PAIP1: variants seen among roughly 807,000 people sequenced by gnomAD.
The protein encoded by PAIP1 is poly(A) binding protein interacting protein 1, also known as polyadenylate-binding protein-interacting protein 1.
A neutral mutation model predicts 61.3 loss-of-function variants in PAIP1; 16 were observed. The ratio of observed to expected loss-of-function variants is 0.26; its 90% confidence interval spans 0.18 to 0.40. The LOEUF (loss-of-function observed/expected upper bound fraction) is 0.40, where lower values mean the gene tolerates loss of function less well. PAIP1 is among the 10% of genes least tolerant of loss of function. The probability of loss-of-function intolerance (pLI) is 1.00; values close to 1 mark genes in which losing one functional copy is unlikely to be tolerated. For synonymous variants in PAIP1, 187 were observed against 226.2 expected (o/e 0.83, Z 1.56); for missense variants, 416 against 600.9 (o/e 0.69, Z 3.22).
At chr5:43,534,801 C>T in intron 8 of PAIP1, 52 bp downstream of exon 8, 1 of 981,034 alleles carries the variant, frequency 1.0e-6, no homozygotes, top group South Asian at 1.3e-5. Flanking sequence ...TTCTAATTTC[C>T]AAAACGGAAT....
intron 6 of PAIP1, among the ~76,000 whole-genome samples, chr5:43,536,234 G>C (rs567480130): frequency 6.6e-6 from 1 of 152,134 alleles, no homozygotes; most frequent in African/African-American, 2.4e-5. Context: ...ATTACTTGTC[G>C]TAAAATACAT....
At chr5:43,531,393 C>T (rs537964735) in intron 9 of PAIP1, among the ~76,000 whole-genome samples, 9 of 119,074 alleles carry the variant, frequency 7.6e-5, no homozygotes, top group Admixed American at 2.6e-4. Flanking sequence ...TAATATGAAA[C>T]TTCAAATGGT....
intron 2 of PAIP1, among the ~76,000 whole-genome samples, chr5:43,554,188 G>A (rs1183374881): frequency 2.0e-5 from 3 of 152,130 alleles, no homozygotes; most frequent in Non-Finnish European, 4.4e-5. Context: ...CGTAAAAATA[G>A]TTGATACACG....
chr5:43,538,789 G>A (rs997392514), intron 5 of PAIP1, 135 bp downstream of exon 5: 26 of 586,758 alleles, frequency 4.4e-5, no homozygotes, highest in Non-Finnish European at 6.7e-5. Flanking sequence ...AGCAGGTGCC[G>A]AAACATGTTT....
intron 2 of PAIP1, among the ~76,000 whole-genome samples, chr5:43,553,051 G>GA (rs1747925694): frequency 8.7e-6 from 1 of 114,436 alleles, no homozygotes; most frequent in African/African-American, 4.4e-5. Context: ...GATTCTCTTA[G>GA]AAAAAAAGCT....
At position 43,537,849 on chromosome 5, in the gene PAIP1, C is replaced by T. The variant is rs562486953; in HGVS notation, c.847-905G>A. Among the ~76,000 whole-genome samples the T allele has an allele frequency of 7.2e-5, 11 of 152,012 alleles. 1 individual carries two copies. The South Asian group carries it at 2.3e-3, about 32-fold the overall frequency. ...TCTCTGCTAAAAATATAAACATTAG[C>T]CAGGCATAGTGGTACGTGCCTGTAA... On this transcript the variant is annotated intron_variant, in intron 5 of 10. Coordinates refer to ENST00000306846, the MANE Select transcript of PAIP1 (RefSeq NM_006451.5).
rs1040021584 is a variant in PAIP1 at position 43,556,112 on chromosome 5, C to A, written c.266-113G>T. ...TCTGTTTTTAAGAGTTAAACAGGAA[C>A]CATCATGAAATTTATGGTTATCGCC... On this transcript the variant is annotated intron_variant, in intron 1 of 10. Coordinates refer to ENST00000306846, the MANE Select transcript of PAIP1 (RefSeq NM_006451.5). 10 of 1,456,790 alleles carry A rather than the reference C, an allele frequency of 6.9e-6. No individual in the cohort carries two copies. In the African/African-American group the frequency reaches 1.3e-4, roughly 19 times the overall value. 90.2% of individuals were successfully genotyped at this position (1,456,790 alleles called of 1,614,324 possible). A position where few individuals can be genotyped will look rare whatever the true frequency, so the allele number is the denominator to read the frequency against.
chr5:43,557,190 T>G, upstream of PAIP1: 2 of 200,826 alleles, frequency 1.0e-5, no homozygotes. Flanking sequence ...ATCCTCCAGT[T>G]CGCGGCTGGC....
At chr5:43,545,832 C>G (rs1439139876) in intron 3 of PAIP1, among the ~76,000 whole-genome samples, 1 of 151,612 alleles carries the variant, frequency 6.6e-6, no homozygotes, top group Non-Finnish European at 1.5e-5. Flanking sequence ...TGCAGTGGCG[C>G]AATCTCGGCT....
At chr5:43,540,440 G>T (rs989237887) in intron 4 of PAIP1, among the ~76,000 whole-genome samples, 6 of 152,074 alleles carry the variant, frequency 3.9e-5, no homozygotes, top group Admixed American at 2.0e-4. Flanking sequence ...ATATGATTAT[G>T]TACATGCAAA....
rs1747480149 is a variant in PAIP1, at chr5:43,543,085, C to G, written c.653G>C (p.Gly218Ala). The G allele has an allele frequency of 3.1e-6, 5 of 1,608,226 alleles. No homozygotes were observed. The highest frequency in any genetic ancestry group is 4.3e-6 in the Non-Finnish European group (5 of 1,175,128). The change falls in exon 4 of 11, where the codon GGA becomes GCA. Residue 218 changes from glycine (G) to alanine (A), a missense_variant. Gly to Ala is a moderately conservative substitution (Grantham distance 60). Transcript: ENST00000306846. The part of the protein sequence containing the change: ...ATSIPNFSYM[G>A]ARLCNYLSHH... Reference sequence around the variant, plus strand: ...GGACAGGTAATTACACAGGCGAGCTCCCATATAAGAGAAATTTGGGATAGA... The same window carrying G: ...GGACAGGTAATTACACAGGCGAGCTGCCATATAAGAGAAATTTGGGATAGA...
chr5:43,550,662 G>C (rs1346642154), intron 2 of PAIP1, among the ~76,000 whole-genome samples: 1 of 150,818 alleles, frequency 6.6e-6, no homozygotes, highest in African/African-American at 2.4e-5. Context: ...AGTCACTTTG[G>C]TTATTCATTC....
Position 43,528,453 on chromosome 5 carries a change from A to C in PAIP1, c.1347-984T>G, listed in dbSNP as rs537801881. Reference sequence around the variant, plus strand: ...AGGGCCATGTGTTGAAATAACCATGAGCTCATTAGGGCAAGAGAATATGAT... The same window carrying C: ...AGGGCCATGTGTTGAAATAACCATGCGCTCATTAGGGCAAGAGAATATGAT... On this transcript the variant is annotated intron_variant, in intron 10 of 10. Coordinates refer to ENST00000306846, the MANE Select transcript of PAIP1 (RefSeq NM_006451.5). 3.9e-5 allele frequency among the ~76,000 whole-genome samples: 6 copies of C among 152,294 alleles called. No individual in the cohort carries two copies. In the South Asian group the frequency reaches 1.0e-3, roughly 26 times the overall value.
At chr5:43,531,570 T>C (rs1377133987) in intron 9 of PAIP1, among the ~76,000 whole-genome samples, 1 of 145,596 alleles carries the variant, frequency 6.9e-6, no homozygotes, top group African/African-American at 2.5e-5. Context: ...GGCAGGAGAA[T>C]TGCTTGAACT....
At position 43,555,882 on chromosome 5, in the gene PAIP1, A is replaced by G. The variant is rs1301683689; in HGVS notation, c.383T>C (p.Leu128Pro). ...VVVAPVLMSK[L>P]SVNAPEFYPS... Reference sequence around the variant, plus strand: ...GTAAAATTCAGGGGCATTCACAGACAGCTTAGACATTAATACAGGAGCTAC... The same window carrying G: ...GTAAAATTCAGGGGCATTCACAGACGGCTTAGACATTAATACAGGAGCTAC... Residue 128 changes from leucine to proline, a missense_variant, in exon 2 of 11, where the codon CTG (leucine) becomes CCG (proline). Leu to Pro is a moderately conservative substitution (Grantham distance 98, BLOSUM62 -3). Around this residue, in one of 4 missense-constraint regions of PAIP1, gnomAD observed 180 missense variants for 211.2 expected, o/e 0.85. Coordinates refer to ENST00000306846, the MANE Select transcript of PAIP1 (RefSeq NM_006451.5). 1 of 1,613,616 alleles carries G rather than the reference A, an allele frequency of 6.2e-7. No homozygotes were observed. The highest frequency in any genetic ancestry group is 8.5e-7 in the Non-Finnish European group (1 of 1,179,928).
At chr5:43,547,375 G>A (rs1747683189) in intron 3 of PAIP1, among the ~76,000 whole-genome samples, 1 of 152,108 alleles carries the variant, frequency 6.6e-6, no homozygotes, top group Admixed American at 6.5e-5. Flanking sequence ...TAATTTCAGA[G>A]CCTGCAAAAC....
intron 9 of PAIP1, among the ~76,000 whole-genome samples, chr5:43,532,025 G>GT (rs1194476300): frequency 6.6e-6 from 1 of 152,080 alleles, no homozygotes; most frequent in Non-Finnish European, 1.5e-5. Context: ...CTGTAAAACT[G>GT]TAAGATTTCT....
chr5:43,538,738 G>A (rs1276466501), intron 5 of PAIP1, among the ~76,000 whole-genome samples, 186 bp downstream of exon 5: 1 of 152,200 alleles, frequency 6.6e-6, no homozygotes, highest in Non-Finnish European at 1.5e-5. Flanking sequence ...CTGTCCATGA[G>A]TAAATGTTAT....
In PAIP1 at chr5:43,554,697, C is replaced by T. The variant is rs556302851; in HGVS notation, c.435+1133G>A. Among the ~76,000 whole-genome samples, 6 of 152,172 alleles carry T rather than the reference C, an allele frequency of 3.9e-5. No homozygotes were observed. In the East Asian group the frequency reaches 1.2e-3, roughly 29 times the overall value. On this transcript the variant is annotated intron_variant, in intron 2 of 10. Transcript: ENST00000306846. Reference sequence around the variant, plus strand: ...TGGTTAAACAGAAAATACCAAGTGCCGACCAGGAAGCAGAGTAACTGGAAA... The same window carrying T: ...TGGTTAAACAGAAAATACCAAGTGCTGACCAGGAAGCAGAGTAACTGGAAA...
Sources: allele counts gnomAD v4.1 joint callset (sites outside exome capture counted in the v4.1 genomes callset), GRCh38; gene constraint gnomAD v4.1.1; regional missense constraint gnomAD v4.1.1; transcripts MANE v1.5; gene names NCBI Gene and HGNC (gene_info 2026-07-23, HGNC 2026-07-21).